Variants in SNTG1 observed in about 807,000 individuals in gnomAD.
The protein encoded by SNTG1 is gamma-1-syntrophin.
SNTG1 carries 39 observed loss-of-function variants against 74.7 expected under a neutral mutation model. That is an observed-to-expected ratio of 0.52 (90% confidence interval 0.40 to 0.68). The LOEUF (loss-of-function observed/expected upper bound fraction) is 0.68, where lower values mean the gene tolerates loss of function less well. Ranked by LOEUF, SNTG1 falls within the 30% of genes least tolerant of loss-of-function variation. SNTG1 has a pLI of 0.00. For synonymous variants in SNTG1, 254 were observed against 217.1 expected (o/e 1.17, Z -1.49); for missense variants, 685 against 609.5 (o/e 1.12, Z -1.30).
At chr8:50,414,549 C>T (rs527969597) in intron 4 of SNTG1, among the ~76,000 whole-genome samples, 9 of 152,148 alleles carry the variant, frequency 5.9e-5, no homozygotes, top group African/African-American at 1.9e-4. Context: ...AGACTTCTTA[C>T]CTGTGAATCT....
chr8:49,920,522 G>A (rs1432808285), intron 1 of SNTG1, among the ~76,000 whole-genome samples: 3 of 152,100 alleles, frequency 2.0e-5, no homozygotes, highest in Non-Finnish European at 2.9e-5. Flanking sequence ...GGCTTGACTT[G>A]CTTTAGATTG....
intron 1 of SNTG1, among the ~76,000 whole-genome samples, chr8:50,060,974 T>C (rs1563536911): frequency 6.6e-6 from 1 of 152,194 alleles, no homozygotes; most frequent in Non-Finnish European, 1.5e-5. Flanking sequence ...GTTGAGACTT[T>C]TAATGTTTAA....
At chr8:50,495,952 CAA>C (rs2093900236) in intron 8 of SNTG1, among the ~76,000 whole-genome samples, 1 of 152,120 alleles carries the variant, frequency 6.6e-6, no homozygotes, top group African/African-American at 2.4e-5. Context: ...TGTAAAAAGC[CAA>C]GTTCTTATTT....
At chr8:50,394,421 A>T (rs2092702179) in intron 3 of SNTG1, among the ~76,000 whole-genome samples, 156 bp downstream of exon 3, 1 of 152,316 alleles carries the variant, frequency 6.6e-6, no homozygotes, top group South Asian at 2.1e-4. Context: ...CCTTCTGCAA[A>T]GATAGAAAAC....
intron 13 of SNTG1, among the ~76,000 whole-genome samples, chr8:50,602,380 C>A (rs1414512079): frequency 6.6e-6 from 1 of 151,942 alleles, no homozygotes; most frequent in East Asian, 1.9e-4. Context: ...TTGCATAAAC[C>A]AAAACTAATA....
intron 10 of SNTG1, among the ~76,000 whole-genome samples, chr8:50,530,671 A>C (rs59010221): frequency 0.011 from 1,674 of 152,314 alleles, 39 homozygotes; most frequent in African/African-American, 0.038. Context: ...CTTTATTCAC[A>C]GTAAGCAATT....
At chr8:50,233,149 C>T (rs1403094120) in intron 2 of SNTG1, among the ~76,000 whole-genome samples, 1 of 151,444 alleles carries the variant, frequency 6.6e-6, no homozygotes, top group East Asian at 1.9e-4. Flanking sequence ...GATCATTATA[C>T]CTGATTTTCA....
At chr8:50,437,640 T>C (rs1456125926) in intron 4 of SNTG1, among the ~76,000 whole-genome samples, 1 of 152,140 alleles carries the variant, frequency 6.6e-6, no homozygotes, top group Non-Finnish European at 1.5e-5. Context: ...AGATAACAAA[T>C]ATCTACCCCA....
intron 15 of SNTG1, among the ~76,000 whole-genome samples, chr8:50,671,599 C>G (rs2095283160): frequency 6.6e-6 from 1 of 152,088 alleles, no homozygotes; most frequent in Non-Finnish European, 1.5e-5. Flanking sequence ...GGTGATGGGA[C>G]TGTAAACTAG....
intron 17 of SNTG1, among the ~76,000 whole-genome samples, chr8:50,715,402 G>C (rs896210709): frequency 6.6e-6 from 1 of 152,140 alleles, no homozygotes; most frequent in African/African-American, 2.4e-5. Flanking sequence ...AGTTGAAATT[G>C]AGAATGGCTA....
In SNTG1 at chr8:50,796,029, AAG is replaced by A. The variant is rs1187822309; in HGVS notation, c.*3206_*3207del. Reference sequence around the variant, plus strand: ...ATGTCAAGTCCATATTAGCCATGCAAAGAGAGAAATTTTCCTTTGGGTGCATT... The same window carrying A: ...ATGTCAAGTCCATATTAGCCATGCAAAGAGAAATTTTCCTTTGGGTGCATT... On this transcript the variant is annotated 3_prime_UTR_variant, in exon 19 of 19. Coordinates refer to ENST00000642720, the MANE Select transcript of SNTG1 (RefSeq NM_018967.5). 6.6e-6 allele frequency: 1 copy of A among 152,078 alleles called. No homozygotes were observed. The highest frequency in any genetic ancestry group is 1.5e-5 in the Non-Finnish European group (1 of 67,988). The allele number at this position is 152,078 out of a possible 1,614,324, so 9.4% of individuals were successfully genotyped here.
At chr8:50,507,637 A>T (rs143936221) in intron 9 of SNTG1, among the ~76,000 whole-genome samples, 4 of 152,104 alleles carry the variant, frequency 2.6e-5, no homozygotes, top group African/African-American at 9.6e-5. Flanking sequence ...ACTCTTTAAC[A>T]ATCATTTTGG....
intron 9 of SNTG1, among the ~76,000 whole-genome samples, chr8:50,509,443 T>A (rs1003847640): frequency 1.3e-5 from 2 of 152,216 alleles, no homozygotes; most frequent in African/African-American, 4.8e-5. Flanking sequence ...TTTTTTCCAA[T>A]TCTGTGAAGA....
chr8:49,927,495 A>G (rs1807132548), intron 1 of SNTG1, among the ~76,000 whole-genome samples: 1 of 152,184 alleles, frequency 6.6e-6, no homozygotes, highest in South Asian at 2.1e-4. Context: ...TAACTTACTT[A>G]AGAAGTTGAG....
Position 50,209,145 on chromosome 8 carries a change from G to A in SNTG1, c.-28+36510G>A, listed in dbSNP as rs867899604. Among the ~76,000 whole-genome samples, 8 of 152,222 alleles carry A rather than the reference G, an allele frequency of 5.3e-5. No individual in the cohort carries two copies. The East Asian group carries it at 5.8e-4, about 11-fold the overall frequency. On this transcript the variant is annotated intron_variant, in intron 2 of 18. Transcript: ENST00000642720. ...ACTGCTAGCACAGCAGTATGAGATC[G>A]AACTGCAAGGTGGCAGTGAGGCTGG...
intron 13 of SNTG1, among the ~76,000 whole-genome samples, chr8:50,603,453 C>G (rs2094789747): frequency 6.6e-6 from 1 of 152,152 alleles, no homozygotes; most frequent in African/African-American, 2.4e-5. Context: ...TTCAAACCAG[C>G]TACTTTGAAT....
At chr8:50,551,643 T>C (rs1219493229) in intron 11 of SNTG1, among the ~76,000 whole-genome samples, 1 of 152,198 alleles carries the variant, frequency 6.6e-6, no homozygotes, top group Admixed American at 6.5e-5. Context: ...AAGCTAAAAA[T>C]ATCATGTGAA....
chr8:50,592,760 T>A (rs2094700479), intron 13 of SNTG1, among the ~76,000 whole-genome samples: 1 of 152,168 alleles, frequency 6.6e-6, no homozygotes, highest in African/African-American at 2.4e-5. Flanking sequence ...TATTTCAGAT[T>A]TTATTTCAAT....
intron 2 of SNTG1, among the ~76,000 whole-genome samples, chr8:50,319,509 G>A (rs1328077338): frequency 6.6e-6 from 1 of 152,154 alleles, no homozygotes; most frequent in Non-Finnish European, 1.5e-5. Flanking sequence ...TACATCCTCT[G>A]CAAACAAGGA....
Sources: gnomAD v4.1 joint callset for allele counts (sites outside exome capture counted in the v4.1 genomes callset) on GRCh38, gnomAD v4.1.1 for gene constraint, MANE v1.5 for transcripts, NCBI Gene and HGNC (gene_info 2026-07-23, HGNC 2026-07-21) for gene names.